The following TSEN15 variants were observed in gnomAD, a reference collection of about 807,000 sequenced individuals.
TSEN15 encodes tRNA-splicing endonuclease subunit Sen15.
TSEN15 carries 10 observed loss-of-function variants against 20.5 expected under a neutral mutation model. The ratio of observed to expected loss-of-function variants is 0.49; its 90% CI spans 0.30 to 0.83. The LOEUF (loss-of-function observed/expected upper bound fraction) is 0.83. Among genes scored for constraint, TSEN15 ranks in the 40% least tolerant of loss-of-function variants. The pLI, the probability that TSEN15 is intolerant of heterozygous loss-of-function variation, is 0.06. For synonymous variants in TSEN15, 72 were observed against 80.1 expected (o/e 0.90, Z 0.54); for missense variants, 180 against 218.6 (o/e 0.82, Z 1.11).
At chr1:184,081,217 A>T (rs1054638635) in intron 3 of TSEN15, among the ~76,000 whole-genome samples, 2 of 152,188 alleles carry the variant, frequency 1.3e-5, no homozygotes, top group African/African-American at 4.8e-5. Context: ...GCCTGGGCAT[A>T]TTAGTCAGGG....
chr1:184,061,165 A>G (rs1272026379), intron 3 of TSEN15, among the ~76,000 whole-genome samples: 3 of 152,198 alleles, frequency 2.0e-5, no homozygotes, highest in African/African-American at 4.8e-5. Context: ...TATCAGGAAT[A>G]TTAGTTTTAT....
chr1:184,072,869 G>T lies in TSEN15; in HGVS notation c.*22G>T. Reference sequence around the variant, plus strand: ...ATGACATCCATGTTTCCTGATGCTTGTTTTATTCATACAAGATTGGATTTG... The same window carrying T: ...ATGACATCCATGTTTCCTGATGCTTTTTTTATTCATACAAGATTGGATTTG... On this transcript the variant is annotated 3_prime_UTR_variant, in exon 5 of 5. Coordinates refer to ENST00000645668, the MANE Select transcript of TSEN15 (RefSeq NM_052965.4). 1.3e-6 allele frequency: 2 copies of T among 1,599,288 alleles called. No homozygotes were observed. Among genetic ancestry groups the T allele is most frequent in the Non-Finnish European group, 8.5e-7 (1 of 1,174,162 alleles).
chr1:184,091,739 C>G (rs148753241), intron 3 of TSEN15, among the ~76,000 whole-genome samples: 3 of 152,168 alleles, frequency 2.0e-5, no homozygotes, highest in African/African-American at 7.2e-5. Context: ...ATCTATGGAG[C>G]CTGGAGTCCT....
intron 3 of TSEN15, chr1:184,095,276 C>T (rs572562920): frequency 3.1e-4 from 123 of 395,710 alleles, no homozygotes; most frequent in Non-Finnish European, 4.4e-4. Flanking sequence ...CTCCACTTCT[C>T]TTCAATAAGA....
intron 3 of TSEN15, among the ~76,000 whole-genome samples, chr1:184,061,164 T>C (rs2102883955): frequency 6.6e-6 from 1 of 152,306 alleles, no homozygotes; most frequent in South Asian, 2.1e-4. Context: ...TTATCAGGAA[T>C]ATTAGTTTTA....
In TSEN15 at chr1:184,051,884, C is replaced by T; in HGVS notation, c.129C>T (p.His43=). The T allele has an allele frequency of 6.5e-7, 1 of 1,549,862 alleles. No homozygotes were observed. Among genetic ancestry groups the T allele is most frequent in the Non-Finnish European group, 8.7e-7 (1 of 1,147,634 alleles). ...WAPEDAWMGT[H]PKYLEMMELD... is the part of the protein sequence containing the mutation. ...CTGAGGACGCCTGGATGGGCACTCA[C>T]CCTAAGGTCAGGAGGCGCGAGAGGA... The change falls in exon 1 of 5, where the codon CAC becomes CAT. Residue 43 remains histidine (H), a synonymous_variant. Transcript: ENST00000645668.
intron 3 of TSEN15, chr1:184,095,117 C>G (rs1043684867): frequency 1.8e-5 from 7 of 398,528 alleles, no homozygotes; most frequent in South Asian, 2.5e-4. Context: ...GTCTCTCTCT[C>G]TCCCCAGAAC....
At position 184,062,566 on chromosome 1, in the gene TSEN15, A is replaced by G. The variant is rs139778883; in HGVS notation, c.353+7703A>G. ...TTGGGTCCATTGGTATTTATTGAGT[A>G]CCCTAAATGGTAAAAGTATACTATA... is the stretch of plus-strand genomic sequence containing the variant. On this transcript the variant is annotated intron_variant, in intron 3 of 4. Transcript: ENST00000645668. 3.1e-3 allele frequency among the ~76,000 whole-genome samples: 469 copies of G among 152,216 alleles called. 2 individuals are homozygous for G. The highest frequency in any genetic ancestry group is 7.3e-3 in the African/African-American group (305 of 41,556).
In TSEN15 at chr1:184,072,265, A is replaced by T; in HGVS notation, c.462A>T (p.Lys154Asn). The T allele has an allele frequency of 6.2e-7, 1 of 1,612,928 alleles. No homozygotes were observed. The highest frequency in any genetic ancestry group is 8.5e-7 in the Non-Finnish European group (1 of 1,179,462). ...VESDSTIVYY[K>N]LTDGFMLPDP... Reference sequence around the variant, plus strand: ...CTGATTCTACAATAGTCTATTATAAACTTACTGATGGATTTATGCTGCCAG... The same window carrying T: ...CTGATTCTACAATAGTCTATTATAATCTTACTGATGGATTTATGCTGCCAG... The change falls in exon 4 of 5, where the codon AAA becomes AAT. Residue 154 changes from lysine to asparagine, a missense_variant. By Grantham distance (94) the Lys-to-Asn change is moderately conservative. This residue lies in a region of TSEN15 where 28 missense variants were observed against 28.7 expected (regional missense o/e 0.98). Transcript: ENST00000645668.
At chr1:184,084,186 C>T (rs1200127971) in intron 3 of TSEN15, among the ~76,000 whole-genome samples, 1 of 151,924 alleles carries the variant, frequency 6.6e-6, no homozygotes, top group African/African-American at 2.4e-5. Flanking sequence ...AAATGAAGCC[C>T]AGCATACAAT....
At chr1:184,056,629 T>C (rs557864241) in intron 3 of TSEN15, among the ~76,000 whole-genome samples, 42 of 152,278 alleles carry the variant, frequency 2.8e-4, no homozygotes, top group South Asian at 6.2e-4. Context: ...AAAATACTTA[T>C]ATTTTCACTA....
chr1:184,092,704 G>A (rs1205186125), intron 3 of TSEN15, among the ~76,000 whole-genome samples: 1 of 152,210 alleles, frequency 6.6e-6, no homozygotes, highest in Admixed American at 6.5e-5. Context: ...GCTCCCTCAG[G>A]CCAGCCCATG....
chr1:184,058,520 G>T (rs998722786), intron 3 of TSEN15, among the ~76,000 whole-genome samples: 1 of 151,948 alleles, frequency 6.6e-6, no homozygotes. Context: ...AGTCTTTTAG[G>T]TAGTAGGCAT....
chr1:184,053,700 A>G (rs1392741283), intron 1 of TSEN15, among the ~76,000 whole-genome samples: 1 of 152,202 alleles, frequency 6.6e-6, no homozygotes, highest in Non-Finnish European at 1.5e-5. Flanking sequence ...GCTGACCAGT[A>G]GTCTGAAAGA....
chr1:184,056,182 C>G (rs2102879175), intron 3 of TSEN15, among the ~76,000 whole-genome samples: 1 of 152,214 alleles, frequency 6.6e-6, no homozygotes, highest in East Asian at 1.9e-4. Context: ...AAAGTGGTTG[C>G]CTCAATTTAC....
intron 3 of TSEN15, among the ~76,000 whole-genome samples, chr1:184,068,365 G>C (rs896609319): frequency 1.3e-5 from 2 of 151,968 alleles, no homozygotes; most frequent in African/African-American, 2.4e-5. Context: ...TTTTATTTGA[G>C]TCCTAAAGTC....
chr1:184,051,921 T>C, intron 1 of TSEN15, 31 bp downstream of exon 1: 1 of 1,499,198 alleles, frequency 6.7e-7, no homozygotes, highest in Admixed American at 2.1e-5. Context: ...CAGGGCGCCG[T>C]CCAGGCCCCT....
chr1:184,051,956 A>C, intron 1 of TSEN15, 66 bp downstream of exon 1: 1 of 1,347,694 alleles, frequency 7.4e-7, no homozygotes, highest in Non-Finnish European at 9.6e-7. Flanking sequence ...ACTCCCAGGC[A>C]GCTCTCTTTC....
chr1:184,057,794 T>C (rs1650301439), intron 3 of TSEN15, among the ~76,000 whole-genome samples: 1 of 152,206 alleles, frequency 6.6e-6, no homozygotes, highest in African/African-American at 2.4e-5. Context: ...ATATGCTTCT[T>C]TGAGAAGCTC....
Sources: allele counts gnomAD v4.1 joint callset (sites outside exome capture counted in the v4.1 genomes callset), GRCh38; gene constraint gnomAD v4.1.1; regional missense constraint gnomAD v4.1.1; transcripts MANE v1.5; gene names NCBI Gene and HGNC (gene_info 2026-07-23, HGNC 2026-07-21).